The following SLC27A2 variants were observed in gnomAD, a reference collection of about 807,000 sequenced individuals.
SLC27A2 encodes the protein long-chain fatty acid transport protein 2.
Under a neutral mutation model 60.0 loss-of-function variants are expected in SLC27A2, and 54 were observed. The ratio of observed to expected loss-of-function variants is 0.90; its 90% CI spans 0.72 to 1.13. The LOEUF (loss-of-function observed/expected upper bound fraction) is 1.13. Among genes scored for constraint, SLC27A2 ranks in the 50% most tolerant of loss-of-function variants. The probability of loss-of-function intolerance (pLI) is 0.00; values close to 1 mark genes in which losing one functional copy is unlikely to be tolerated. For synonymous variants in SLC27A2, 297 were observed against 297.6 expected, an observed-to-expected ratio of 1.00 and a Z score of 0.02; for missense variants, 739 against 777.6, an observed-to-expected ratio of 0.95 and a Z score of 0.59.
At chr15:50,206,676 C>A (rs997855343) in intron 4 of SLC27A2, among the ~76,000 whole-genome samples, 6 of 152,152 alleles carry the variant, frequency 3.9e-5, no homozygotes, top group South Asian at 4.1e-4. Context: ...GTCTGCCCCC[C>A]CTCGCCCCAA....
At chr15:50,208,443 A>G (rs999541381) in intron 4 of SLC27A2, among the ~76,000 whole-genome samples, 2 of 152,228 alleles carry the variant, frequency 1.3e-5, no homozygotes, top group African/African-American at 4.8e-5. Context: ...CCGTCAGCCA[A>G]CAAGGAGATA....
At chr15:50,187,071 T>G (rs1423961226) in intron 1 of SLC27A2, among the ~76,000 whole-genome samples, 1 of 152,234 alleles carries the variant, frequency 6.6e-6, no homozygotes, top group Admixed American at 6.5e-5. Context: ...GGTTTCTTTA[T>G]AACACTTAAC....
At chr15:50,210,127 G>C (rs77438955) in intron 4 of SLC27A2, among the ~76,000 whole-genome samples, 1,653 of 152,252 alleles carry the variant, frequency 0.011, 37 homozygotes, top group African/African-American at 0.038. Context: ...AAATACGGAG[G>C]ACAGGATCAT....
In SLC27A2 at chr15:50,226,016, AT is replaced by A. The variant is rs770951181; in HGVS notation, c.1197del (p.Tyr399Ter). On this transcript the variant is annotated frameshift_variant, in exon 6 of 10. Coordinates refer to ENST00000267842, the MANE Select transcript of SLC27A2 (RefSeq NM_003645.4). LOFTEE classifies it high-confidence loss of function. ...KKIITYDLIKYDVEKDEPVRD... is the reference protein window; with the variant it reads ...KKIITYDLIKXDVEKDEPVRD... ...ATCATAACTTATGACCTGATTAAAT[AT>A]GATGTGGAGAAAGATGAACCTGTCC... The A allele has an allele frequency of 6.2e-7, 1 of 1,606,082 alleles. No homozygotes were observed. The highest frequency in any genetic ancestry group is 2.2e-5 in the East Asian group (1 of 44,842).
intron 2 of SLC27A2, chr15:50,198,607 G>A (rs1286233403): frequency 6.6e-6 from 1 of 152,018 alleles, no homozygotes; most frequent in Non-Finnish European, 1.5e-5. Context: ...CCTACTACAG[G>A]CCAGGAAGAC....
At position 50,211,617 on chromosome 15, in the gene SLC27A2, A is replaced by T. The variant is rs142290083; in HGVS notation, c.972+6254A>T. ...ACACTAGTTCACCAGCAACGAATCC[A>T]AACCAAGAAGAAATCCCTGATTTGC... is the stretch of plus-strand genomic sequence containing the variant. On this transcript the variant is annotated intron_variant, in intron 4 of 9. Coordinates refer to ENST00000267842, the MANE Select transcript of SLC27A2 (RefSeq NM_003645.4). Among the ~76,000 whole-genome samples the T allele has an allele frequency of 3.3e-5, 5 of 152,376 alleles. No homozygotes were observed. In the East Asian group the frequency reaches 9.6e-4, roughly 29 times the overall value.
Position 50,225,896 on chromosome 15 carries a change from C to CT in SLC27A2, c.1168-91dup, listed in dbSNP as rs1157562840. 3 of 828,466 alleles carry CT rather than the reference C, an allele frequency of 3.6e-6. No homozygotes were observed. In the African/African-American group the frequency reaches 5.2e-5, roughly 14 times the overall value. 51.3% of individuals were successfully genotyped at this position (828,466 alleles called of 1,614,324 possible). ...TATGCAAATGCAAAATTTCTTCAAC[C>CT]TGTACGCCTAAGATATACTTTGTGT... is the stretch of plus-strand genomic sequence containing the variant. On this transcript the variant is annotated intron_variant, in intron 5 of 9. Coordinates refer to ENST00000267842, the MANE Select transcript of SLC27A2 (RefSeq NM_003645.4).
chr15:50,204,544 T>C lies in SLC27A2; in HGVS notation c.848-695T>C, dbSNP rs111401788. Among the ~76,000 whole-genome samples the C allele has an allele frequency of 8.7e-3, 1,319 of 151,884 alleles. 10 individuals carry two copies. Among genetic ancestry groups the C allele is most frequent in the Middle Eastern group, 0.024 (7 of 294 alleles). ...GTCAGGAGATTGAGACCATCCTGGC[T>C]AACACAGTGAAACCCCTTCTCTACT... On this transcript the variant is annotated intron_variant, in intron 3 of 9. Transcript: ENST00000267842.
In SLC27A2 at chr15:50,234,817, C is replaced by G. The variant is rs1186364457; in HGVS notation, c.1686+819C>G. Among the ~76,000 whole-genome samples, 4 of 152,122 alleles carry G rather than the reference C, an allele frequency of 2.6e-5. No individual in the cohort carries two copies. In the East Asian group the frequency reaches 7.7e-4, roughly 29 times the overall value. On this transcript the variant is annotated intron_variant, in intron 9 of 9. Coordinates refer to ENST00000267842, the MANE Select transcript of SLC27A2 (RefSeq NM_003645.4). ...TCCAATCCTAATCCCTTTCTCCTTA[C>G]AATGACAGGCCAGTTCATTCAGCAA...
chr15:50,219,727 C>T (rs2045229863), intron 4 of SLC27A2, among the ~76,000 whole-genome samples: 1 of 152,198 alleles, frequency 6.6e-6, no homozygotes, highest in Non-Finnish European at 1.5e-5. Flanking sequence ...AACTGCCTGA[C>T]CCACAGAAAA....
chr15:50,203,181 T>C (rs995588832), intron 3 of SLC27A2, among the ~76,000 whole-genome samples: 8 of 152,076 alleles, frequency 5.3e-5, no homozygotes, highest in Admixed American at 5.2e-4. Context: ...GAGTGAGACC[T>C]TGACTGTAAA....
rs188247422 is a variant in SLC27A2, at chr15:50,200,542, T to A, written c.689-1945T>A. Among the ~76,000 whole-genome samples, 29 of 152,332 alleles carry A rather than the reference T, an allele frequency of 1.9e-4. No homozygotes were observed. In the East Asian group the frequency reaches 5.4e-3, roughly 28 times the overall value. On this transcript the variant is annotated intron_variant, in intron 2 of 9. Coordinates refer to ENST00000267842, the MANE Select transcript of SLC27A2 (RefSeq NM_003645.4). ...TTGCTAGCCATATTTGTCTGCCTTG[T>A]AACAAGTTGCTGCTATTTGGGCACT... is the stretch of plus-strand genomic sequence containing the variant.
chr15:50,211,736 C>T (rs1199151337), intron 4 of SLC27A2, among the ~76,000 whole-genome samples: 1 of 151,920 alleles, frequency 6.6e-6, no homozygotes, highest in Non-Finnish European at 1.5e-5. Context: ...AAAAACGTTA[C>T]AAGAGTGAAA....
intron 4 of SLC27A2, among the ~76,000 whole-genome samples, chr15:50,216,610 GTATATATATATATATATATA>G (rs59683706): frequency 0.043 from 2,847 of 66,542 alleles, 104 homozygotes; most frequent in Non-Finnish European, 0.063. Flanking sequence ...GTGTGTGTGT[GTATATATATATATATATATA>G]TATATATATA....
Position 50,228,962 on chromosome 15 carries a change from T to A in SLC27A2, c.1475T>A (p.Val492Glu). Residue 492 changes from valine (V) to glutamate (E), a missense_variant, in exon 8 of 10, where the codon GTG becomes GAG. Coordinates refer to ENST00000267842, the MANE Select transcript of SLC27A2 (RefSeq NM_003645.4). ...TCTTCCAGGTGGAAAGGGGAAAATG[T>A]GGCCACCACTGAAGTTGCTGATACA... ...GDTFRWKGEN[V>E]ATTEVADTVG... The A allele has an allele frequency of 6.2e-7, 1 of 1,613,902 alleles. No individual in the cohort carries two copies. Among genetic ancestry groups the A allele is most frequent in the Non-Finnish European group, 8.5e-7 (1 of 1,179,750 alleles).
intron 1 of SLC27A2, among the ~76,000 whole-genome samples, chr15:50,186,745 G>A (rs2044927639): frequency 6.6e-6 from 1 of 152,146 alleles, no homozygotes; most frequent in East Asian, 1.9e-4. Flanking sequence ...CCTTCTCATT[G>A]TCTTATAGCT....
At chr15:50,214,436 A>G (rs1047876863) in intron 4 of SLC27A2, among the ~76,000 whole-genome samples, 3 of 152,122 alleles carry the variant, frequency 2.0e-5, no homozygotes, top group Admixed American at 2.0e-4. Flanking sequence ...TCCACAAGAT[A>G]GAGAAAGAAG....
chr15:50,217,041 A>C (rs1471443368), intron 4 of SLC27A2, among the ~76,000 whole-genome samples: 1 of 151,726 alleles, frequency 6.6e-6, no homozygotes, highest in Non-Finnish European at 1.5e-5. Context: ...GTGGGAGCTA[A>C]ACTATAAGGA....
chr15:50,192,388 A>G (rs1273511320), intron 1 of SLC27A2, among the ~76,000 whole-genome samples: 4 of 152,226 alleles, frequency 2.6e-5, no homozygotes, highest in African/African-American at 9.6e-5. Context: ...AAGGTCAGGA[A>G]TCACAAACTA....
Sources: gnomAD v4.1 joint callset for allele counts (sites outside exome capture counted in the v4.1 genomes callset) on GRCh38, gnomAD v4.1.1 for gene constraint, MANE v1.5 for transcripts, NCBI Gene and HGNC (gene_info 2026-07-23, HGNC 2026-07-21) for gene names.